CANX: variants seen among roughly 807,000 people sequenced by gnomAD.
CANX encodes calnexin, also known as epididymis secretory sperm binding protein.
Under a neutral mutation model 75.7 loss-of-function variants are expected in CANX, and 14 were observed. That is an observed-to-expected ratio of 0.19 (90% CI 0.12 to 0.29). The LOEUF (loss-of-function observed/expected upper bound fraction) is 0.29, where lower values mean the gene tolerates loss of function less well. Ranked by LOEUF, CANX falls within the 10% of genes least tolerant of loss-of-function variation. The pLI is 1.00. For synonymous variants in CANX, 227 were observed against 236.9 expected (o/e 0.96, Z 0.38); for missense variants, 567 against 713.2 (o/e 0.79, Z 2.34).
chr5:179,700,009 AAGAC>A (rs2113086671), intron 1 of CANX, among the ~76,000 whole-genome samples: 1 of 152,328 alleles, frequency 6.6e-6, no homozygotes, highest in South Asian at 2.1e-4. Context: ...TGTATACAAT[AAGAC>A]AGGGAAGTCC....
chr5:179,709,148 C>T (rs949556270), intron 6 of CANX, 89 bp downstream of exon 6: 11 of 772,886 alleles, frequency 1.4e-5, no homozygotes, highest in East Asian at 7.7e-5. Flanking sequence ...GTGGCTCACG[C>T]CTGTAATCCT....
chr5:179,688,190 T>C (rs1201826172), intron 1 of CANX, among the ~76,000 whole-genome samples: 3 of 148,542 alleles, frequency 2.0e-5, no homozygotes, highest in South Asian at 2.2e-4. Flanking sequence ...CCCGAGTAGC[T>C]GGGACTACAG....
At chr5:179,698,242 T>TA (rs1776477166), upstream of CANX, 5 of 199,036 alleles carry the variant, frequency 2.5e-5, no homozygotes, top group Non-Finnish European at 3.6e-5. Context: ...GTCATCCCTG[T>TA]ATCTCTCTGC....
At chr5:179,690,665 G>A (rs1387057073) in intron 1 of CANX, among the ~76,000 whole-genome samples, 1 of 151,750 alleles carries the variant, frequency 6.6e-6, no homozygotes, top group Non-Finnish European at 1.5e-5. Flanking sequence ...GCTCAGGCAG[G>A]TGGATCACGA....
chr5:179,703,146 CAG>C (rs1421963114), intron 1 of CANX, among the ~76,000 whole-genome samples: 1 of 152,012 alleles, frequency 6.6e-6, no homozygotes, highest in Non-Finnish European at 1.5e-5. Context: ...TTCCTGACCT[CAG>C]ATGATCTGCC....
chr5:179,723,344 G>T, intron 11 of CANX: 1 of 414,964 alleles, frequency 2.4e-6, no homozygotes, highest in Non-Finnish European at 4.2e-6. Flanking sequence ...CAAACAACTG[G>T]TCATGTGGCC....
rs375782480 is a variant in CANX, at chr5:179,678,815, C to G, written c.-4+38C>G. On this transcript the variant is annotated intron_variant, in intron 1 of 14. Transcript: ENST00000681674. ...CTCCAGCAACACTTGGCTTTTGGAC[C>G]GCTGCACCTGCGCCTTCCAGCCCCA... 10 of 1,537,020 alleles carry G rather than the reference C, an allele frequency of 6.5e-6. No homozygotes were observed. In the African/African-American group the frequency reaches 8.2e-5, roughly 13 times the overall value.
chr5:179,680,621 TCAGGAAGTCCAAAGTCCAGATAA>T (rs1277004930), intron 1 of CANX, among the ~76,000 whole-genome samples: 1 of 152,032 alleles, frequency 6.6e-6, no homozygotes, highest in Non-Finnish European at 1.5e-5. Context: ...AACTGTGCCC[TCAGGAAGTCCAAAGTCCAGATAA>T]CAGACAAGTC....
At chr5:179,693,639 T>C (rs1442257278), upstream of CANX, among the ~76,000 whole-genome samples, 1 of 151,894 alleles carries the variant, frequency 6.6e-6, no homozygotes, top group Non-Finnish European at 1.5e-5. Context: ...TACACTGTAC[T>C]CTAGCCTGGG....
rs985522704 is a variant in CANX at position 179,723,608 on chromosome 5, A to G, written c.1399-52A>G. 11 of 1,600,734 alleles carry G rather than the reference A, an allele frequency of 6.9e-6. No homozygotes were observed. The African/African-American group carries it at 8.1e-5, about 12-fold the overall frequency. On this transcript the variant is annotated intron_variant, in intron 11 of 14. Coordinates refer to ENST00000247461, the MANE Select transcript of CANX (RefSeq NM_001746.4). The stretch of plus-strand genomic sequence containing the variant: ...GAACTGCAGAAAAACAGCACGGCCT[A>G]TGTTTGGTGTCAAAAGCTGGAACTT...
chr5:179,678,890 G>A, intron 1 of CANX: 1 of 1,535,462 alleles, frequency 6.5e-7, no homozygotes, highest in Non-Finnish European at 8.7e-7. Flanking sequence ...CTGGCTCTCA[G>A]TGGTCCACCG....
In CANX at chr5:179,728,760, A is replaced by G. The variant is rs762608998; in HGVS notation, c.*116A>G. 8.4e-5 allele frequency: 62 copies of G among 736,946 alleles called. No individual in the cohort carries two copies. The highest frequency in any genetic ancestry group is 1.6e-4 in the African/African-American group (9 of 57,512). 45.7% of individuals were successfully genotyped at this position (736,946 alleles called of 1,614,324 possible). A position where few individuals can be genotyped will look rare whatever the true frequency, so the allele number is the denominator to read the frequency against. On this transcript the variant is annotated 3_prime_UTR_variant, in exon 15 of 15. Transcript: ENST00000247461. ...ATTCAGAAAACTTCAAGACATCACC[A>G]TCAGCAGGCTCCAGTTGAACACTAG...
At chr5:179,708,460 A>T in intron 5 of CANX, 80 bp downstream of exon 5, 1 of 1,315,658 alleles carries the variant, frequency 7.6e-7, no homozygotes, top group Non-Finnish European at 1.1e-6. Flanking sequence ...ACTCTATGTT[A>T]AAAAATTATG....
At chr5:179,713,888 G>A (rs1038975259) in intron 7 of CANX, among the ~76,000 whole-genome samples, 2 of 152,166 alleles carry the variant, frequency 1.3e-5, no homozygotes, top group Admixed American at 6.5e-5. Context: ...GCACTCCAGC[G>A]TGGGTCACAG....
At chr5:179,702,386 C>T (rs190646005) in intron 1 of CANX, among the ~76,000 whole-genome samples, 1 of 152,008 alleles carries the variant, frequency 6.6e-6, no homozygotes, top group East Asian at 1.9e-4. Flanking sequence ...TTCTTTCTCT[C>T]CCTTCTTCCC....
chr5:179,694,755 A>G, upstream of CANX: 1 of 624,638 alleles, frequency 1.6e-6, no homozygotes, highest in Non-Finnish European at 2.9e-6. Context: ...GGAGATGAGG[A>G]GGAGGATGAA....
intron 3 of CANX, 29 bp downstream of exon 3, chr5:179,706,360 A>G: frequency 8.6e-7 from 1 of 1,163,700 alleles, no homozygotes. Flanking sequence ...AATATATGTT[A>G]GAGGCAGACA....
In CANX at chr5:179,705,739, G is replaced by T; in HGVS notation, c.58G>T (p.Ala20Ser). Residue 20 changes from alanine to serine, a missense_variant, in exon 2 of 15, where the codon GCT becomes TCT. This residue lies in a region of CANX where 351 missense variants were observed against 433.8 expected (regional missense o/e 0.81). Transcript: ENST00000247461. The stretch of plus-strand genomic sequence containing the variant: ...GGTGCTTGGAACTGCTATTGTTGAG[G>T]CTCATGATGGACATGATGATGATGT... ...LLVLGTAIVE[A>S]HDGHDDDVID... 1.2e-6 allele frequency: 2 copies of T among 1,609,912 alleles called. No homozygotes were observed. Among genetic ancestry groups the T allele is most frequent in the Admixed American group, 3.3e-5 (2 of 59,984 alleles).
At chr5:179,720,615 G>T in intron 10 of CANX, 55 bp downstream of exon 10, 5 of 1,537,902 alleles carry the variant, frequency 3.3e-6, no homozygotes, top group Non-Finnish European at 4.5e-6. Context: ...TATTCAGATA[G>T]AAGTTTTATC....
Sources: gnomAD v4.1 joint callset for allele counts (sites outside exome capture counted in the v4.1 genomes callset) on GRCh38, gnomAD v4.1.1 for gene constraint, gnomAD v4.1.1 regional missense constraint, MANE v1.5 for transcripts, NCBI Gene and HGNC (gene_info 2026-07-23, HGNC 2026-07-21) for gene names.